Variants in RAP1A observed in about 807,000 individuals in gnomAD.
RAP1A encodes the protein RAP1A, member of RAS oncogene family.
Under a neutral mutation model 26.4 loss-of-function variants are expected in RAP1A, and 6 were observed. The observed-to-expected ratio is 0.23, with a 90% CI of 0.12 to 0.45. The LOEUF (loss-of-function observed/expected upper bound fraction) is 0.45. RAP1A is among the 20% of genes least tolerant of loss of function. The pLI is 0.99. For synonymous variants in RAP1A, 73 were observed against 79.4 expected (o/e 0.92, Z 0.43); for missense variants, 121 against 217.2 (o/e 0.56, Z 2.78).
At chr1:111,573,024 T>C (rs1658079424) in intron 1 of RAP1A, among the ~76,000 whole-genome samples, 1 of 152,206 alleles carries the variant, frequency 6.6e-6, no homozygotes, top group African/African-American at 2.4e-5. Context: ...CCTGTGTTAG[T>C]TTGCTAAGGA....
At chr1:111,627,269 A>AT (rs1278146661) in intron 1 of RAP1A, among the ~76,000 whole-genome samples, 5 of 151,434 alleles carry the variant, frequency 3.3e-5, no homozygotes, top group Non-Finnish European at 5.9e-5. Context: ...TTTTTTATTT[A>AT]TTTTTTTTAC....
In RAP1A at chr1:111,703,453, T is replaced by G. The variant is rs1662085352; in HGVS notation, c.301T>G (p.Leu101Val). The G allele has an allele frequency of 6.2e-7, 1 of 1,604,786 alleles. No homozygotes were observed. The highest frequency in any genetic ancestry group is 8.5e-7 in the Non-Finnish European group (1 of 1,175,504). ...NDLQDLREQILRVKDTEDVPM... is the reference protein window; with the variant it reads ...NDLQDLREQIVRVKDTEDVPM... Reference sequence around the variant, plus strand: ...CTTACAGGACCTGAGGGAACAGATTTTACGGGTTAAGGACACGGAAGATGT... The same window carrying G: ...CTTACAGGACCTGAGGGAACAGATTGTACGGGTTAAGGACACGGAAGATGT... The change falls in exon 5 of 8, where the codon TTA becomes GTA. Residue 101 changes from leucine (L) to valine (V), a missense_variant. Leu to Val is a conservative substitution (Grantham distance 32). Coordinates refer to ENST00000369709, the MANE Select transcript of RAP1A (RefSeq NM_002884.4).
rs538162042 is a variant in RAP1A, at chr1:111,570,006, G to A, written c.-28+27497G>A. Among the ~76,000 whole-genome samples the A allele has an allele frequency of 2.6e-5, 4 of 152,316 alleles. No homozygotes were observed. The South Asian group carries it at 8.3e-4, about 32-fold the overall frequency. On this transcript the variant is annotated intron_variant, in intron 1 of 7. Transcript: ENST00000356415. ...AGTGTAAAACGTCAGGGAGGAAACT[G>A]CTTGAGTGCTATGTCCTGACTGTGT...
intron 1 of RAP1A, among the ~76,000 whole-genome samples, chr1:111,609,802 A>G (rs1658889313): frequency 6.6e-6 from 1 of 151,956 alleles, no homozygotes; most frequent in South Asian, 2.1e-4. Flanking sequence ...TACCCGGCTA[A>G]TTTTTGTATT....
At chr1:111,545,241 G>T (rs1321417394) in intron 1 of RAP1A, among the ~76,000 whole-genome samples, 1 of 151,958 alleles carries the variant, frequency 6.6e-6, no homozygotes, top group Non-Finnish European at 1.5e-5. Flanking sequence ...ATTCCCACCG[G>T]CAATGTATGA....
rs765107060 is a variant in RAP1A at position 111,695,400 on chromosome 1, C to A, written c.117C>A (p.Ser39=). Residue 39 remains serine, a synonymous_variant, in exon 3 of 8, where the codon TCC becomes TCA. Transcript: ENST00000369709. ...AATATGACCCAACGATAGAAGATTC[C>A]TACAGAAAGGTAAAATGTGAAACTT... ...VEKYDPTIED[S]YRKQVEVDCQ... 3 of 1,557,738 alleles carry A rather than the reference C, an allele frequency of 1.9e-6. No individual in the cohort carries two copies. The highest frequency in any genetic ancestry group is 2.6e-6 in the Non-Finnish European group (3 of 1,157,470).
chr1:111,664,027 A>G (rs1408045819), intron 1 of RAP1A, among the ~76,000 whole-genome samples: 1 of 152,184 alleles, frequency 6.6e-6, no homozygotes, highest in East Asian at 1.9e-4. Flanking sequence ...ATCTGATAGG[A>G]AAGTTTCAAG....
At chr1:111,543,514 G>A (rs749762836) in intron 1 of RAP1A, among the ~76,000 whole-genome samples, 3 of 152,142 alleles carry the variant, frequency 2.0e-5, no homozygotes, top group Non-Finnish European at 4.4e-5. Flanking sequence ...TCACCAAAAT[G>A]TTAACACAAT....
At chr1:111,601,100 C>T (rs1010152104) in intron 1 of RAP1A, among the ~76,000 whole-genome samples, 12 of 152,194 alleles carry the variant, frequency 7.9e-5, no homozygotes, top group African/African-American at 2.9e-4. Flanking sequence ...CCTGGTCTCT[C>T]CTCAGTGAGG....
At chr1:111,679,420 CT>C (rs1661225838) in intron 1 of RAP1A, among the ~76,000 whole-genome samples, 1 of 152,226 alleles carries the variant, frequency 6.6e-6, no homozygotes, top group African/African-American at 2.4e-5. Flanking sequence ...CATTGGGTCC[CT>C]ACACCACCAG....
chr1:111,653,075 C>G (rs1172533439), intron 1 of RAP1A, among the ~76,000 whole-genome samples: 1 of 152,022 alleles, frequency 6.6e-6, no homozygotes, highest in Non-Finnish European at 1.5e-5. Context: ...TATGATTTAG[C>G]CATAAAAAGG....
At chr1:111,668,251 TA>T (rs927879719) in intron 1 of RAP1A, among the ~76,000 whole-genome samples, 3 of 152,068 alleles carry the variant, frequency 2.0e-5, no homozygotes, top group African/African-American at 7.3e-5. Flanking sequence ...CACATCACAG[TA>T]AAAGATCACA....
At chr1:111,547,825 C>T (rs1483086544) in intron 1 of RAP1A, among the ~76,000 whole-genome samples, 3 of 152,118 alleles carry the variant, frequency 2.0e-5, no homozygotes, top group Non-Finnish European at 4.4e-5. Context: ...TCTGGTGAAG[C>T]TTTCCTGGTA....
chr1:111,669,180 T>C (rs1296210186), intron 1 of RAP1A, among the ~76,000 whole-genome samples: 3 of 152,014 alleles, frequency 2.0e-5, no homozygotes, highest in Non-Finnish European at 4.4e-5. Flanking sequence ...ATGGAAAATA[T>C]GTAAAAAGGA....
chr1:111,699,505 A>C (rs1661952683), intron 4 of RAP1A, among the ~76,000 whole-genome samples: 3 of 135,004 alleles, frequency 2.2e-5, no homozygotes, highest in African/African-American at 5.7e-5. Context: ...TCTGTCACCC[A>C]GGCTGGAGTG....
At chr1:111,649,106 A>C in intron 1 of RAP1A, 1 of 595,470 alleles carries the variant, frequency 1.7e-6, no homozygotes, top group Non-Finnish European at 3.2e-6. Context: ...CAGTAGCAAG[A>C]TGGGCATTGT....
chr1:111,547,584 A>T (rs773457409), intron 1 of RAP1A, among the ~76,000 whole-genome samples: 1 of 152,144 alleles, frequency 6.6e-6, no homozygotes, highest in Non-Finnish European at 1.5e-5. Flanking sequence ...TCCCTAGAGA[A>T]CTGAGGGTCC....
At chr1:111,627,924 G>A (rs774375729) in intron 1 of RAP1A, among the ~76,000 whole-genome samples, 64 of 149,494 alleles carry the variant, frequency 4.3e-4, no homozygotes, top group Admixed American at 3.1e-3. Context: ...ACATGGTTCT[G>A]ACTTTGAAAA....
At chr1:111,626,741 C>T (rs1659414276) in intron 1 of RAP1A, among the ~76,000 whole-genome samples, 1 of 152,056 alleles carries the variant, frequency 6.6e-6, no homozygotes, top group Non-Finnish European at 1.5e-5. Flanking sequence ...CTGGTTTTTC[C>T]ATTTTTGCAT....
Sources: gnomAD v4.1 joint callset for allele counts (sites outside exome capture counted in the v4.1 genomes callset) on GRCh38, gnomAD v4.1.1 for gene constraint, MANE v1.5 for transcripts, NCBI Gene and HGNC (gene_info 2026-07-23, HGNC 2026-07-21) for gene names.